The following TMEM178B variants were observed in gnomAD, a reference collection of about 807,000 sequenced individuals.
TMEM178B encodes the protein transmembrane protein 178B.
TMEM178B carries 5 observed loss-of-function variants against 31.0 expected under a neutral mutation model. The observed-to-expected ratio is 0.16, with a 90% CI of 0.08 to 0.34. The LOEUF (loss-of-function observed/expected upper bound fraction) is 0.34. TMEM178B is among the 10% of genes least tolerant of loss of function. The pLI, the probability that TMEM178B is intolerant of heterozygous loss-of-function variation, is 1.00. For synonymous variants in TMEM178B, 164 were observed against 164.0 expected (o/e 1.00, Z 0.00); for missense variants, 275 against 400.3 (o/e 0.69, Z 2.67).
At chr7:141,110,945 G>T (rs1242062171) in intron 1 of TMEM178B, among the ~76,000 whole-genome samples, 1 of 152,204 alleles carries the variant, frequency 6.6e-6, no homozygotes, top group Non-Finnish European at 1.5e-5. Flanking sequence ...GCCAAGAAGA[G>T]AGGCTTCACC....
chr7:141,239,575 G>T (rs571033667), intron 2 of TMEM178B, among the ~76,000 whole-genome samples: 2 of 152,170 alleles, frequency 1.3e-5, no homozygotes, highest in Non-Finnish European at 2.9e-5. Context: ...TCGAGTCTCA[G>T]CAGGGGGATG....
intron 2 of TMEM178B, among the ~76,000 whole-genome samples, chr7:141,321,825 T>TCAA (rs150459218): frequency 1.3e-5 from 2 of 149,992 alleles, no homozygotes; most frequent in African/African-American, 4.9e-5. Context: ...TTGTCCAACA[T>TCAA]TAAAAAAAAA....
At chr7:141,124,848 G>A (rs1005290069) in intron 1 of TMEM178B, among the ~76,000 whole-genome samples, 3 of 152,104 alleles carry the variant, frequency 2.0e-5, no homozygotes, top group Non-Finnish European at 2.9e-5. Context: ...ATTACACGGC[G>A]GTTTTCTTTC....
intron 1 of TMEM178B, among the ~76,000 whole-genome samples, chr7:141,134,180 A>C (rs193118543): frequency 6.6e-6 from 1 of 152,274 alleles, no homozygotes; most frequent in African/African-American, 2.4e-5. Flanking sequence ...GGCTGCAGTG[A>C]GTTATGATCA....
chr7:141,304,864 A>G (rs957660203), intron 2 of TMEM178B, among the ~76,000 whole-genome samples: 2 of 152,146 alleles, frequency 1.3e-5, no homozygotes, highest in Non-Finnish European at 1.5e-5. Context: ...TTGCAATGTC[A>G]CTGGCATCCA....
intron 1 of TMEM178B, among the ~76,000 whole-genome samples, chr7:141,158,108 T>G (rs985889156): frequency 3.3e-5 from 5 of 152,184 alleles, no homozygotes; most frequent in African/African-American, 1.2e-4. Flanking sequence ...CAATTTTTTG[T>G]TTTTTGAGAT....
intron 1 of TMEM178B, among the ~76,000 whole-genome samples, chr7:141,175,992 A>AGTCATAG (rs1796427008): frequency 6.6e-6 from 1 of 152,096 alleles, no homozygotes; most frequent in South Asian, 2.1e-4. Context: ...TTCTAATACT[A>AGTCATAG]TGTTGAATAG....
intron 1 of TMEM178B, among the ~76,000 whole-genome samples, chr7:141,132,646 G>A (rs1795612411): frequency 6.6e-6 from 1 of 152,172 alleles, no homozygotes; most frequent in Admixed American, 6.5e-5. Flanking sequence ...GGGGCTTGAG[G>A]GTTGGCTGGC....
intron 1 of TMEM178B, among the ~76,000 whole-genome samples, chr7:141,199,771 G>T (rs558488976): frequency 4.6e-5 from 7 of 152,278 alleles, no homozygotes; most frequent in African/African-American, 1.4e-4. Context: ...AATTTTTTTG[G>T]CAGGGCGCAG....
chr7:141,398,049 G>GT (rs1800689213), intron 2 of TMEM178B, among the ~76,000 whole-genome samples: 1 of 152,198 alleles, frequency 6.6e-6, no homozygotes, highest in Non-Finnish European at 1.5e-5. Flanking sequence ...GGTGTGTGGA[G>GT]TGGGCAGGTA....
intron 2 of TMEM178B, among the ~76,000 whole-genome samples, chr7:141,369,041 C>T (rs549112709): frequency 6.6e-6 from 1 of 152,192 alleles, no homozygotes; most frequent in African/African-American, 2.4e-5. Context: ...TGCTCACCCC[C>T]CTTTCCCAGT....
At chr7:141,232,482 ACTAT>A (rs1563126042) in intron 2 of TMEM178B, among the ~76,000 whole-genome samples, 1 of 151,924 alleles carries the variant, frequency 6.6e-6, no homozygotes, top group Non-Finnish European at 1.5e-5. Flanking sequence ...TTGTTACTTG[ACTAT>A]CTAATAATTA....
Position 141,077,822 on chromosome 7 carries a change from G to A in TMEM178B, c.382+3130G>A, listed in dbSNP as rs540516929. On this transcript the variant is annotated intron_variant, in intron 1 of 3. Coordinates refer to ENST00000565468, the MANE Select transcript of TMEM178B (RefSeq NM_001195278.2). ...TGATGGGAAAATATGAAACAGTGTG[G>A]CTGTCAGGCCAGGTCAATATTGCAA... Among the ~76,000 whole-genome samples the A allele has an allele frequency of 2.0e-5, 3 of 152,318 alleles. No homozygotes were observed. The East Asian group carries it at 5.8e-4, about 29-fold the overall frequency.
the TMEM178B span, among the ~76,000 whole-genome samples, chr7:141,502,339 G>C: frequency 7.2e-6 from 1 of 138,962 alleles, no homozygotes; most frequent in African/African-American, 3.4e-5. Context: ...CCATAGAACA[G>C]AGCCAGCTTT....
chr7:141,150,038 T>G (rs988135448), intron 1 of TMEM178B, among the ~76,000 whole-genome samples: 1 of 152,130 alleles, frequency 6.6e-6, no homozygotes, highest in Admixed American at 6.5e-5. Context: ...CAAACTACAT[T>G]TGTGGCCTGA....
the TMEM178B span, among the ~76,000 whole-genome samples, chr7:141,488,436 TTTTTTTTC>T: frequency 2.0e-5 from 3 of 152,226 alleles, no homozygotes; most frequent in Non-Finnish European, 2.9e-5. Context: ...GCATTTTCTT[TTTTTTTTC>T]TTTTTTTCTT....
At chr7:141,140,255 G>A (rs573988249) in intron 1 of TMEM178B, among the ~76,000 whole-genome samples, 301 of 152,224 alleles carry the variant, frequency 2.0e-3, no homozygotes, top group Admixed American at 4.0e-3. Context: ...AACTGTTTCC[G>A]AAGATCTGAA....
At chr7:141,441,919 C>A (rs1366237643) in intron 3 of TMEM178B, among the ~76,000 whole-genome samples, 1 of 152,174 alleles carries the variant, frequency 6.6e-6, no homozygotes, top group Non-Finnish European at 1.5e-5. Flanking sequence ...TTAAGTAGGG[C>A]AGCTTTGCTC....
At chr7:141,281,067 T>C (rs919872535) in intron 2 of TMEM178B, among the ~76,000 whole-genome samples, 1 of 152,152 alleles carries the variant, frequency 6.6e-6, no homozygotes, top group Non-Finnish European at 1.5e-5. Context: ...TGGGAAGGGA[T>C]ATTGTGGTTT....
Sources: allele counts gnomAD v4.1 joint callset (sites outside exome capture counted in the v4.1 genomes callset), GRCh38; gene constraint gnomAD v4.1.1; transcripts MANE v1.5; gene names NCBI Gene and HGNC (gene_info 2026-07-23, HGNC 2026-07-21).